The following PDE10A variants were observed in gnomAD, a reference collection of about 807,000 sequenced individuals.
The protein encoded by PDE10A is cAMP and cAMP-inhibited cGMP 3',5'-cyclic phosphodiesterase 10A.
PDE10A carries 39 observed loss-of-function variants against 97.7 expected under a neutral mutation model. The observed-to-expected ratio is 0.40, with a 90% confidence interval of 0.31 to 0.52. PDE10A has a LOEUF of 0.52. Ranked by LOEUF, PDE10A falls within the 20% of genes least tolerant of loss-of-function variation. The pLI, the probability that PDE10A is intolerant of heterozygous loss-of-function variation, is 0.56. For missense variants in PDE10A, 731 were observed against 1,047.8 expected, an observed-to-expected ratio of 0.70 and a Z score of 4.17; for synonymous variants, 371 against 376.8, an observed-to-expected ratio of 0.98 and a Z score of 0.18.
intron 1 of PDE10A, among the ~76,000 whole-genome samples, chr6:165,569,173 C>T (rs1180995517): frequency 6.6e-6 from 1 of 152,124 alleles, no homozygotes; most frequent in Non-Finnish European, 1.5e-5. Context: ...TTTAAAGTGG[C>T]TACTAGAATA....
intron 3 of PDE10A, among the ~76,000 whole-genome samples, chr6:165,470,852 A>G (rs1276361566): frequency 6.6e-6 from 1 of 152,154 alleles, no homozygotes; most frequent in Non-Finnish European, 1.5e-5. Flanking sequence ...CTCTCTACTG[A>G]ATCACTTCCA....
At chr6:165,926,706 T>C (rs1782944953) in intron 1 of PDE10A, among the ~76,000 whole-genome samples, 1 of 152,010 alleles carries the variant, frequency 6.6e-6, no homozygotes, top group African/African-American at 2.4e-5. Flanking sequence ...ATGCTCAGCA[T>C]CAAAGACGTG....
chr6:165,909,979 C>T (rs928445309), intron 1 of PDE10A, among the ~76,000 whole-genome samples: 1 of 152,100 alleles, frequency 6.6e-6, no homozygotes, highest in South Asian at 2.1e-4. Context: ...CACCTGTCCC[C>T]ATCACTCTCA....
intron 1 of PDE10A, among the ~76,000 whole-genome samples, chr6:165,593,491 C>A (rs1260143614): frequency 1.3e-5 from 2 of 152,072 alleles, no homozygotes; most frequent in Non-Finnish European, 2.9e-5. Flanking sequence ...AAGTTGATGG[C>A]ATGAGTCAGT....
At chr6:165,397,026 C>T (rs758838993) in intron 13 of PDE10A, among the ~76,000 whole-genome samples, 2 of 152,126 alleles carry the variant, frequency 1.3e-5, no homozygotes, top group Non-Finnish European at 2.9e-5. Context: ...AAATGAGTAA[C>T]ACAGGTTTGC....
intron 1 of PDE10A, among the ~76,000 whole-genome samples, chr6:165,947,824 T>C (rs574640472): frequency 6.6e-6 from 1 of 152,308 alleles, no homozygotes; most frequent in East Asian, 1.9e-4. Context: ...CTTCCTTGCT[T>C]CCTGACACAG....
At chr6:165,559,011 T>C (rs1784397388) in intron 1 of PDE10A, among the ~76,000 whole-genome samples, 2 of 151,968 alleles carry the variant, frequency 1.3e-5, no homozygotes, top group Admixed American at 1.3e-4. Flanking sequence ...AAAAAAAAAT[T>C]AAAATTCTCT....
intron 1 of PDE10A, among the ~76,000 whole-genome samples, chr6:165,854,796 G>C (rs1780673458): frequency 2.6e-5 from 4 of 152,180 alleles, no homozygotes; most frequent in African/African-American, 9.6e-5. Context: ...GGAGCGCAGG[G>C]CGCGCCAGGC....
intron 1 of PDE10A, among the ~76,000 whole-genome samples, chr6:165,785,372 C>T (rs1299796030): frequency 6.6e-6 from 1 of 152,188 alleles, no homozygotes; most frequent in South Asian, 2.1e-4. Flanking sequence ...TATCTGAATG[C>T]TCTTTGAGTC....
At position 165,663,076 on chromosome 6, in the gene PDE10A, C is replaced by G. The variant is rs2128433298; in HGVS notation, c.-265G>C. ...TCAGGCGCGCACAATCGGCGTCCTC[C>G]CGGGCCGGGGCTAGGGACGGCGGAG... On this transcript the variant is annotated 5_prime_UTR_variant, in exon 1 of 22. Transcript: ENST00000539869. Among the ~76,000 whole-genome samples the G allele has an allele frequency of 6.6e-6, 1 of 151,558 alleles. No individual in the cohort carries two copies. The highest frequency in any genetic ancestry group is 2.4e-5 in the African/African-American group (1 of 41,396).
rs1583652547 is a variant in PDE10A, at chr6:165,617,889, A to T, written c.865+44058T>A. ...TCAACAGTGAAATGATCACACAAAA[A>T]ATTAAGGCTTCTTTTCCCCCAAGCA... On this transcript the variant is annotated intron_variant, in intron 1 of 21. Coordinates refer to ENST00000539869, the MANE Select transcript of PDE10A (RefSeq NM_001385079.1). Among the ~76,000 whole-genome samples the T allele has an allele frequency of 3.9e-5, 6 of 152,142 alleles. No homozygotes were observed. The South Asian group carries it at 1.2e-3, about 32-fold the overall frequency.
chr6:165,630,017 C>T (rs1270170584), intron 1 of PDE10A, among the ~76,000 whole-genome samples: 2 of 152,030 alleles, frequency 1.3e-5, no homozygotes, highest in African/African-American at 4.8e-5. Flanking sequence ...CAATTAAACA[C>T]CATTGTCAAC....
chr6:165,478,193 T>A (rs936399163), intron 3 of PDE10A, among the ~76,000 whole-genome samples: 1 of 152,220 alleles, frequency 6.6e-6, no homozygotes, highest in Non-Finnish European at 1.5e-5. Flanking sequence ...ATTCCTCCTA[T>A]AGTTTTCTGC....
chr6:165,981,506 C>G (rs1785014572), intron 1 of PDE10A, among the ~76,000 whole-genome samples: 1 of 152,130 alleles, frequency 6.6e-6, no homozygotes, highest in Non-Finnish European at 1.5e-5. Context: ...CATTTTCTTT[C>G]CCACTTGAAT....
rs529871211 is a variant in PDE10A, at chr6:165,371,341, C to A, written c.2783+7853G>T. 1.2e-3 allele frequency among the ~76,000 whole-genome samples: 177 copies of A among 151,796 alleles called. 1 individual carries two copies. Among genetic ancestry groups the A allele is most frequent in the African/African-American group, 3.5e-3 (147 of 41,414 alleles). ...AATTGATAGACTGCTAGCAAGACTA[C>A]TAAAGAAAAAAAGAGAAAAATCAAA... On this transcript the variant is annotated intron_variant, in intron 18 of 21. Coordinates refer to ENST00000539869, the MANE Select transcript of PDE10A (RefSeq NM_001385079.1).
intron 1 of PDE10A, among the ~76,000 whole-genome samples, chr6:165,558,033 C>T (rs1784345325): frequency 6.6e-6 from 1 of 152,104 alleles, no homozygotes; most frequent in African/African-American, 2.4e-5. Context: ...TATGCCTAAC[C>T]TATGGAGCGT....
At chr6:165,676,740 C>CT (rs34471037) in intron 1 of PDE10A, among the ~76,000 whole-genome samples, 1 of 151,388 alleles carries the variant, frequency 6.6e-6, no homozygotes, top group Non-Finnish European at 1.5e-5. Context: ...CACGATCTGA[C>CT]TTTTTTTTTT....
At chr6:165,634,248 A>C (rs977762283) in intron 1 of PDE10A, among the ~76,000 whole-genome samples, 4 of 152,000 alleles carry the variant, frequency 2.6e-5, no homozygotes, top group Non-Finnish European at 4.4e-5. Flanking sequence ...TGCCCACTGA[A>C]GATCGTGTGT....
intron 5 of PDE10A, among the ~76,000 whole-genome samples, chr6:165,438,435 G>C (rs112153321): frequency 6.6e-6 from 1 of 152,138 alleles, no homozygotes; most frequent in Non-Finnish European, 1.5e-5. Context: ...TGATCCACCC[G>C]CCTCAGCCTC....
Sources: allele counts gnomAD v4.1 joint callset (sites outside exome capture counted in the v4.1 genomes callset), GRCh38; gene constraint gnomAD v4.1.1; transcripts MANE v1.5; gene names NCBI Gene and HGNC (gene_info 2026-07-23, HGNC 2026-07-21).